The following PPP2R2A variants were observed in gnomAD, a reference collection of about 807,000 sequenced individuals.
PPP2R2A encodes the protein protein phosphatase 2 regulatory subunit Balpha.
PPP2R2A carries 9 observed loss-of-function variants against 53.2 expected under a neutral mutation model. The observed-to-expected ratio is 0.17, with a 90% confidence interval of 0.10 to 0.30. PPP2R2A has a LOEUF of 0.30. Among genes scored for constraint, PPP2R2A ranks in the 10% least tolerant of loss-of-function variants. The pLI is 1.00. For missense variants in PPP2R2A, 235 were observed against 534.6 expected (o/e 0.44, Z 5.53); for synonymous variants, 169 against 174.2 (o/e 0.97, Z 0.23).
intron 4 of PPP2R2A, among the ~76,000 whole-genome samples, chr8:26,356,547 A>G (rs895641320): frequency 2.0e-5 from 3 of 152,238 alleles, no homozygotes; most frequent in Non-Finnish European, 4.4e-5. Context: ...GTCTTGGGTC[A>G]GTTTTAATTT....
chr8:26,303,223 G>A (rs17055108), intron 2 of PPP2R2A, among the ~76,000 whole-genome samples: 89,641 of 151,996 alleles, frequency 0.59, 26,699 homozygotes, highest in South Asian at 0.63. Flanking sequence ...AATACCTTCA[G>A]GACGTTAAAG....
chr8:26,370,562 A>G lies in PPP2R2A; in HGVS notation c.*149A>G. ...TTCGACAACACATTGTTATAGCTAC[A>G]TGGAGAAAGCTCTGTGGATTCATCA... On this transcript the variant is annotated 3_prime_UTR_variant, in exon 10 of 10. Coordinates refer to ENST00000380737, the MANE Select transcript of PPP2R2A (RefSeq NM_002717.4). The surrounding 1 kb of genome is among the most constrained non-coding windows in gnomAD (Gnocchi z 6.1). 3.4e-6 allele frequency: 3 copies of G among 873,974 alleles called. No homozygotes were observed. Among genetic ancestry groups the G allele is most frequent in the Non-Finnish European group, 5.2e-6 (3 of 579,120 alleles). The allele number at this position is 873,974 out of a possible 1,614,324, so 54.1% of individuals were successfully genotyped here.
intron 3 of PPP2R2A, among the ~76,000 whole-genome samples, chr8:26,351,960 T>C (rs1263552037): frequency 6.6e-6 from 1 of 152,244 alleles, no homozygotes; most frequent in Non-Finnish European, 1.5e-5. Flanking sequence ...AAAGTCTTTA[T>C]TGAATGCCTG....
chr8:26,352,341 C>T (rs1207448190), intron 3 of PPP2R2A, among the ~76,000 whole-genome samples: 3 of 152,196 alleles, frequency 2.0e-5, no homozygotes, highest in Non-Finnish European at 2.9e-5. Context: ...ATAATGTAAA[C>T]ATCCCCTCCC....
At position 26,366,341 on chromosome 8, in the gene PPP2R2A, C is replaced by T. The variant is rs34109536; in HGVS notation, c.999C>T (p.Leu333=). The change falls in exon 9 of 10, where the codon CTC becomes CTT. Residue 333 remains leucine, a synonymous_variant. Coordinates refer to ENST00000380737, the MANE Select transcript of PPP2R2A (RefSeq NM_002717.4). Reference sequence around the variant, plus strand: ...TGCATGAATACCTCAGAAGTAAACTCTGTTCACTGTATGAAAATGACTGCA... The same window carrying T: ...TGCATGAATACCTCAGAAGTAAACTTTGTTCACTGTATGAAAATGACTGCA... ...YQVHEYLRSK[L]CSLYENDCIF... is the part of the protein sequence containing the mutation. The T allele has an allele frequency of 0.041, 65,812 of 1,603,544 alleles. 1,538 individuals carry two copies. Among genetic ancestry groups the T allele is most frequent in the Middle Eastern group, 0.065 (389 of 6,030 alleles).
rs1448655199 is a variant in PPP2R2A at position 26,371,378 on chromosome 8, C to T, written c.*965C>T. ...TAGTTTTTTTTTTTTTTTTTACCAT[C>T]ATGAGGGTATTGGATACATTGTGTC... On this transcript the variant is annotated 3_prime_UTR_variant, in exon 10 of 10. Coordinates refer to ENST00000380737, the MANE Select transcript of PPP2R2A (RefSeq NM_002717.4). 1.3e-4 allele frequency: 18 copies of T among 142,984 alleles called. No homozygotes were observed. Among genetic ancestry groups the T allele is most frequent in the African/African-American group, 4.3e-4 (17 of 39,358 alleles). 8.9% of individuals were successfully genotyped at this position (142,984 alleles called of 1,614,324 possible).
Position 26,291,776 on chromosome 8 carries a change from G to A in PPP2R2A, c.-44G>A, listed in dbSNP as rs750354417. 6.3e-7 allele frequency: 1 copy of A among 1,590,836 alleles called. No individual in the cohort carries two copies. Among genetic ancestry groups the A allele is most frequent in the African/African-American group, 1.4e-5 (1 of 72,796 alleles). On this transcript the variant is annotated 5_prime_UTR_variant, in exon 1 of 10. Coordinates refer to ENST00000380737, the MANE Select transcript of PPP2R2A (RefSeq NM_002717.4). ...GGTGAGGGGGGTGAGTTCAGGAAGCGGAGACCCCGAGGAACCCAGCAGGGT... is the reference window on the plus strand; with the variant it reads ...GGTGAGGGGGGTGAGTTCAGGAAGCAGAGACCCCGAGGAACCCAGCAGGGT...
At chr8:26,367,647 T>G (rs1805451616) in intron 9 of PPP2R2A, among the ~76,000 whole-genome samples, 1 of 152,258 alleles carries the variant, frequency 6.6e-6, no homozygotes, top group Non-Finnish European at 1.5e-5. Flanking sequence ...GCAACTTGTG[T>G]GCCACATGGG....
chr8:26,303,742 A>G (rs1450392666), intron 2 of PPP2R2A, among the ~76,000 whole-genome samples: 1 of 152,188 alleles, frequency 6.6e-6, no homozygotes, highest in Non-Finnish European at 1.5e-5. Flanking sequence ...TTAAACACTG[A>G]ATGTAATTTA....
intron 2 of PPP2R2A, among the ~76,000 whole-genome samples, chr8:26,322,217 G>A (rs952539993): frequency 6.6e-6 from 1 of 152,216 alleles, no homozygotes; most frequent in South Asian, 2.1e-4. Context: ...ACTCTCTGGA[G>A]TCAAGTAGCA....
intron 3 of PPP2R2A, among the ~76,000 whole-genome samples, chr8:26,344,134 C>T (rs1458498556): frequency 6.6e-6 from 1 of 152,238 alleles, no homozygotes; most frequent in African/African-American, 2.4e-5. Flanking sequence ...TTTGCCCACT[C>T]TAACCTGGAT....
At chr8:26,322,956 C>G (rs576991194) in intron 2 of PPP2R2A, among the ~76,000 whole-genome samples, 14 of 152,330 alleles carry the variant, frequency 9.2e-5, no homozygotes, top group African/African-American at 2.6e-4. Context: ...TCTCAGCCCT[C>G]TCTTGATCTT....
chr8:26,361,277 T>C, intron 6 of PPP2R2A, 126 bp downstream of exon 6: 1 of 836,336 alleles, frequency 1.2e-6, no homozygotes, highest in East Asian at 3.0e-5. Context: ...TATGGCACCT[T>C]ATTTTTTTCT....
chr8:26,369,409 G>A (rs920777470), intron 9 of PPP2R2A, among the ~76,000 whole-genome samples: 12 of 146,376 alleles, frequency 8.2e-5, no homozygotes, highest in Admixed American at 1.4e-4. Flanking sequence ...TTTTTTTTCC[G>A]AGACGGAGTC....
intron 3 of PPP2R2A, among the ~76,000 whole-genome samples, chr8:26,353,375 A>G (rs1339015342): frequency 1.3e-5 from 2 of 152,348 alleles, no homozygotes; most frequent in Non-Finnish European, 2.9e-5. Flanking sequence ...GCTGCTGGAA[A>G]AAACAACCCA....
Position 26,360,378 on chromosome 8 carries a change from A to G in PPP2R2A, c.459+97A>G, listed in dbSNP as rs1030354602. 1.1e-5 allele frequency: 7 copies of G among 650,568 alleles called. No homozygotes were observed. The highest frequency in any genetic ancestry group is 8.6e-5 in the Admixed American group (3 of 34,912). The allele number at this position is 650,568 out of a possible 1,614,324, so 40.3% of individuals were successfully genotyped here. On this transcript the variant is annotated intron_variant, in intron 5 of 9. Coordinates refer to ENST00000380737, the MANE Select transcript of PPP2R2A (RefSeq NM_002717.4). This position sits in a 1 kb window ranked among gnomAD's most constrained non-coding sequence, Gnocchi z 4.5. Reference sequence around the variant, plus strand: ...GCTTGAATAGGAATAATTACAGTCTATCTCCCCTTTCCCAGTAATTCTGTA... The same window carrying G: ...GCTTGAATAGGAATAATTACAGTCTGTCTCCCCTTTCCCAGTAATTCTGTA...
intron 4 of PPP2R2A, chr8:26,358,812 A>T: frequency 2.5e-6 from 1 of 404,876 alleles, no homozygotes; most frequent in Non-Finnish European, 5.1e-6. Flanking sequence ...GAATGGATAC[A>T]TGGAGAGCAG....
intron 2 of PPP2R2A, among the ~76,000 whole-genome samples, chr8:26,315,618 A>G (rs1802513373): frequency 1.3e-5 from 2 of 152,078 alleles, no homozygotes; most frequent in African/African-American, 4.8e-5. Flanking sequence ...AGCTGTTTTG[A>G]GTCTCATGCT....
chr8:26,352,847 C>T (rs1804590552), intron 3 of PPP2R2A, among the ~76,000 whole-genome samples: 1 of 152,126 alleles, frequency 6.6e-6, no homozygotes, highest in African/African-American at 2.4e-5. Context: ...TATTGCTTAC[C>T]TTAATTGTGT....
Sources: gnomAD v4.1 joint callset for allele counts (sites outside exome capture counted in the v4.1 genomes callset) on GRCh38, gnomAD v4.1.1 for gene constraint, Gnocchi (gnomAD v3.1) non-coding constraint, MANE v1.5 for transcripts, NCBI Gene and HGNC (gene_info 2026-07-23, HGNC 2026-07-21) for gene names.